SPTBN4: variants seen among roughly 807,000 people sequenced by gnomAD.
SPTBN4 encodes spectrin beta, non-erythrocytic 4.
SPTBN4 carries 96 observed loss-of-function variants against 277.8 expected under a neutral mutation model. The ratio of observed to expected loss-of-function variants is 0.35; its 90% confidence interval spans 0.29 to 0.41. SPTBN4 has a LOEUF of 0.41. SPTBN4 is among the 10% of genes least tolerant of loss of function. The pLI is 1.00. For synonymous variants in SPTBN4, 1,481 were observed against 1,580.3 expected, an observed-to-expected ratio of 0.94 and a Z score of 1.49; for missense variants, 3,006 against 3,595.7, an observed-to-expected ratio of 0.84 and a Z score of 4.19.
intron 17 of SPTBN4, among the ~76,000 whole-genome samples, chr19:40,526,599 T>C (rs2145887599): frequency 6.6e-6 from 1 of 152,190 alleles, no homozygotes; most frequent in Admixed American, 6.5e-5. Context: ...TTTTCTTTTT[T>C]TTAAAGACAG....
intron 5 of SPTBN4, among the ~76,000 whole-genome samples, chr19:40,493,540 T>G (rs1243748367): frequency 2.0e-5 from 3 of 152,234 alleles, no homozygotes; most frequent in East Asian, 1.9e-4. Context: ...TGGGGTTTTT[T>G]TTGTTGTTGT....
rs1413063199 is a variant in SPTBN4, at chr19:40,467,120, G to C, written c.-201G>C. The C allele has an allele frequency of 6.7e-6, 1 of 148,936 alleles. No individual in the cohort carries two copies. Among genetic ancestry groups the C allele is most frequent in the Non-Finnish European group, 1.5e-5 (1 of 66,460 alleles). 9.2% of individuals were successfully genotyped at this position (148,936 alleles called of 1,614,324 possible). On this transcript the variant is annotated 5_prime_UTR_variant, in exon 1 of 36. Transcript: ENST00000598249. Reference sequence around the variant, plus strand: ...GGAGGGGGTCCCGGGGGCGCGCTGAGCGCGGCGGCGGCGCGAGAGAGGGAG... The same window carrying C: ...GGAGGGGGTCCCGGGGGCGCGCTGACCGCGGCGGCGGCGCGAGAGAGGGAG...
intron 31 of SPTBN4, among the ~76,000 whole-genome samples, chr19:40,569,426 CAAAA>C (rs58192016): frequency 1.7e-5 from 2 of 120,768 alleles, no homozygotes. Context: ...GACTCCGTCT[CAAAA>C]AAAAAAAAAA....
intron 20 of SPTBN4, among the ~76,000 whole-genome samples, chr19:40,538,345 C>A (rs1263467273): frequency 8.7e-4 from 1 of 1,146 alleles, no homozygotes; most frequent in Non-Finnish European, 8.9e-3. Flanking sequence ...GGCAAGATTG[C>A]ACCTCACTGC....
In SPTBN4 at chr19:40,513,104, C is replaced by T. The variant is rs1348510271; in HGVS notation, c.2315C>T (p.Ala772Val). 7.0e-7 allele frequency: 1 copy of T among 1,437,974 alleles called. No homozygotes were observed. The highest frequency in any genetic ancestry group is 9.1e-7 in the Non-Finnish European group (1 of 1,102,218). 89.1% of individuals were successfully genotyped at this position (1,437,974 alleles called of 1,614,324 possible). Reference sequence around the variant, plus strand: ...CGGCGAGAGCGGCGGCTGCAGGAGGCGCGGGCGCTGCACCAGTTCGGCGCT... The same window carrying T: ...CGGCGAGAGCGGCGGCTGCAGGAGGTGCGGGCGCTGCACCAGTTCGGCGCT... ...AARRERRLQE[A>V]RALHQFGADL... is the part of the protein sequence containing the mutation. The change falls in exon 14 of 36, where the codon GCG (alanine) becomes GTG (valine). Residue 772 changes from alanine to valine, a missense_variant. Ala to Val is a moderately conservative substitution (Grantham distance 64). Transcript: ENST00000598249.
chr19:40,570,473 G>T lies in SPTBN4; in HGVS notation c.7064G>T (p.Arg2355Leu). The change falls in exon 33 of 36, where the codon CGC (arginine) becomes CTC (leucine). Residue 2355 changes from arginine to leucine, a missense_variant. By Grantham distance (102) the Arg-to-Leu change is moderately radical. This residue lies in a region of SPTBN4 where 630 missense variants were observed against 677.6 expected (regional missense o/e 0.93). Transcript: ENST00000598249. ...LPQPRELPPG[R>L]LPNGLELPER... ...CAGCCACGCGAGCTTCCCCCAGGTC[G>T]CCTGCCCAACGGGCTTGAGCTGCCC... 6.4e-7 allele frequency: 1 copy of T among 1,564,114 alleles called. No homozygotes were observed. Among genetic ancestry groups the T allele is most frequent in the Admixed American group, 1.8e-5 (1 of 56,454 alleles).
At position 40,512,955 on chromosome 19, in the gene SPTBN4, C is replaced by A. The variant is rs1419414368; in HGVS notation, c.2166C>A (p.Gly722=). The change falls in exon 14 of 36, where the codon GGC becomes GGA. Residue 722 remains glycine, a synonymous_variant. Coordinates refer to ENST00000598249, the MANE Select transcript of SPTBN4 (RefSeq NM_020971.3). The stretch of plus-strand genomic sequence containing the variant: ...TGCTGCAGCAGGCCCTGCGGTGTGG[C>A]GAGGAGCTGGTTGCGGCCGGCGGTG... ...RALLQQALRC[G]EELVAAGGAV... 7.8e-6 allele frequency: 11 copies of A among 1,413,932 alleles called. No homozygotes were observed. The highest frequency in any genetic ancestry group is 1.0e-5 in the Non-Finnish European group (11 of 1,094,172). 87.6% of individuals were successfully genotyped at this position (1,413,932 alleles called of 1,614,324 possible).
In SPTBN4 at chr19:40,572,331, C is replaced by G; in HGVS notation, c.7494-7C>G. The G allele has an allele frequency of 6.2e-7, 1 of 1,614,152 alleles. No individual in the cohort carries two copies. Among genetic ancestry groups the G allele is most frequent in the Non-Finnish European group, 8.5e-7 (1 of 1,180,018 alleles). ...AGATCTCTGAAGTCCTGTGTCCCTT[C>G]CTGCAGGACCCAGGATGGCAGTGAG... is the stretch of plus-strand genomic sequence containing the variant. On this transcript the variant is annotated splice_region_variant and splice_polypyrimidine_tract_variant and intron_variant, in intron 34 of 35. Coordinates refer to ENST00000598249, the MANE Select transcript of SPTBN4 (RefSeq NM_020971.3).
At chr19:40,564,396 G>A (rs2081072773) in intron 27 of SPTBN4, among the ~76,000 whole-genome samples, 1 of 152,216 alleles carries the variant, frequency 6.6e-6, no homozygotes, top group East Asian at 1.9e-4. Context: ...AAAATCTGGT[G>A]TGCATTTTAC....
chr19:40,498,364 T>G (rs2080223750), intron 7 of SPTBN4, among the ~76,000 whole-genome samples: 1 of 147,690 alleles, frequency 6.8e-6, no homozygotes, highest in Middle Eastern at 3.5e-3. Flanking sequence ...TCAACCCTGT[T>G]TTATTTTATT....
rs1279991947 is a variant in SPTBN4, at chr19:40,575,451, T to G, written c.7577T>G (p.Val2526Gly). The change falls in exon 36 of 36, where the codon GTG becomes GGG. Residue 2526 changes from valine to glycine, a missense_variant. Around this residue, in one of 5 missense-constraint regions of SPTBN4, gnomAD observed 630 missense variants for 677.6 expected, o/e 0.93. Coordinates refer to ENST00000598249, the MANE Select transcript of SPTBN4 (RefSeq NM_020971.3). ...NGWLEAVASS[V>G]AEHAEIARWG... ...TGGCTGGAGGCTGTAGCTTCCTCGGTGGCGGAACACGCAGAGATCGCCCGC... is the reference window on the plus strand; with the variant it reads ...TGGCTGGAGGCTGTAGCTTCCTCGGGGGCGGAACACGCAGAGATCGCCCGC... 6.2e-7 allele frequency: 1 copy of G among 1,613,320 alleles called. No individual in the cohort carries two copies. The highest frequency in any genetic ancestry group is 2.2e-5 in the East Asian group (1 of 44,872).
At chr19:40,470,289 G>A (rs891217901) in intron 1 of SPTBN4, among the ~76,000 whole-genome samples, 3 of 151,912 alleles carry the variant, frequency 2.0e-5, no homozygotes, top group Admixed American at 1.3e-4. Flanking sequence ...ATGAGCCACC[G>A]TGCCCGGCCT....
chr19:40,550,500 C>T lies in SPTBN4; in HGVS notation c.4674+173C>T, dbSNP rs1192156464. On this transcript the variant is annotated intron_variant, in intron 22 of 35. Coordinates refer to ENST00000598249, the MANE Select transcript of SPTBN4 (RefSeq NM_020971.3). Reference sequence around the variant, plus strand: ...TTCCATATATTTTCATGACTCTTGGCTCTATTTTTTTTTTTTTTTTGAGAT... The same window carrying T: ...TTCCATATATTTTCATGACTCTTGGTTCTATTTTTTTTTTTTTTTTGAGAT... 4.2e-5 allele frequency among the ~76,000 whole-genome samples: 5 copies of T among 118,606 alleles called. No individual in the cohort carries two copies. The South Asian group carries it at 9.8e-4, about 23-fold the overall frequency. 77.8% of individuals were successfully genotyped at this position (118,606 alleles called of 152,430 possible).
chr19:40,562,060 A>G (rs902717151), intron 27 of SPTBN4, among the ~76,000 whole-genome samples: 6 of 152,058 alleles, frequency 3.9e-5, no homozygotes, highest in Non-Finnish European at 7.4e-5. Context: ...GAAAAGCTAG[A>G]GATCACTGTG....
Position 40,504,139 on chromosome 19 carries a change from G to C in SPTBN4, c.1665+7G>C. On this transcript the variant is annotated splice_region_variant and intron_variant, in intron 12 of 35. Transcript: ENST00000598249. ...CTGGATGGAGGAGATGCAGGTGCCGGCGGGGGGGCGGGGATGCGGGTGGAG... is the reference window on the plus strand; with the variant it reads ...CTGGATGGAGGAGATGCAGGTGCCGCCGGGGGGGCGGGGATGCGGGTGGAG... 1 of 1,281,936 alleles carries C rather than the reference G, an allele frequency of 7.8e-7. No individual in the cohort carries two copies. The highest frequency in any genetic ancestry group is 1.1e-6 in the Non-Finnish European group (1 of 907,010). The allele number at this position is 1,281,936 out of a possible 1,614,324, so 79.4% of individuals were successfully genotyped here.
chr19:40,550,218 G>A lies in SPTBN4; in HGVS notation c.4585-20G>A, dbSNP rs1367180517. 1.2e-6 allele frequency: 2 copies of A among 1,611,622 alleles called. No individual in the cohort carries two copies. Among genetic ancestry groups the A allele is most frequent in the Non-Finnish European group, 1.7e-6 (2 of 1,178,414 alleles). ...CTTGGATGCATTCTCCCCTTGACCT[G>A]CTTCCTGTGTCCTCTCCAGGCATGG... On this transcript the variant is annotated intron_variant, in intron 21 of 35. Transcript: ENST00000598249.
intron 20 of SPTBN4, among the ~76,000 whole-genome samples, chr19:40,536,785 T>C (rs1173756997): frequency 2.0e-5 from 3 of 152,068 alleles, no homozygotes; most frequent in Non-Finnish European, 4.4e-5. Context: ...CTGTCTCTAT[T>C]TTATTTTATT....
At chr19:40,483,600 T>G (rs2080036466) in intron 2 of SPTBN4, among the ~76,000 whole-genome samples, 1 of 152,122 alleles carries the variant, frequency 6.6e-6, no homozygotes, top group Non-Finnish European at 1.5e-5. Flanking sequence ...TTTGTGTCAG[T>G]GTGGGTTTTG....
At chr19:40,556,408 C>A in intron 25 of SPTBN4, 120 bp downstream of exon 25, 1 of 874,474 alleles carries the variant, frequency 1.1e-6, no homozygotes, top group Non-Finnish European at 1.7e-6. Context: ...TGCTGTGAGA[C>A]AAATGAGTTA....
Sources: gnomAD v4.1 joint callset for allele counts (sites outside exome capture counted in the v4.1 genomes callset) on GRCh38, gnomAD v4.1.1 for gene constraint, gnomAD v4.1.1 regional missense constraint, MANE v1.5 for transcripts, NCBI Gene and HGNC (gene_info 2026-07-23, HGNC 2026-07-21) for gene names.